EPHA6: variants seen among roughly 807,000 people sequenced by gnomAD.
EPHA6 encodes the protein EPH receptor A6, also known as ephrin type-A receptor 6.
In EPHA6, 50 loss-of-function variants were observed where a neutral mutation model predicts 112.0. That is an observed-to-expected ratio of 0.45 (90% CI 0.36 to 0.56). The LOEUF (loss-of-function observed/expected upper bound fraction) is 0.56. EPHA6 is among the 20% of genes least tolerant of loss of function. The pLI is 0.00. For missense variants in EPHA6, 1,280 were observed against 1,417.4 expected (o/e 0.90, Z 1.56); for synonymous variants, 529 against 490.7 (o/e 1.08, Z -1.03).
At chr3:96,932,195 TC>T (rs1490434157) in intron 2 of EPHA6, among the ~76,000 whole-genome samples, 1 of 152,172 alleles carries the variant, frequency 6.6e-6, no homozygotes, top group African/African-American at 2.4e-5. Context: ...GCCTAATCAG[TC>T]CCAATGTGAG....
At chr3:96,882,768 G>GTGTGTATGTATA in intron 2 of EPHA6, among the ~76,000 whole-genome samples, 1 of 148,900 alleles carries the variant, frequency 6.7e-6, no homozygotes, top group African/African-American at 2.5e-5. Flanking sequence ...GTGTGTGTGT[G>GTGTGTATGTATA]TATAGTCAAT....
Position 97,521,673 on chromosome 3 carries a change from G to C in EPHA6, c.2201-10685G>C, listed in dbSNP as rs543844228. Among the ~76,000 whole-genome samples, 8 of 152,244 alleles carry C rather than the reference G, an allele frequency of 5.3e-5. No individual in the cohort carries two copies. The South Asian group carries it at 1.5e-3, about 28-fold the overall frequency. On this transcript the variant is annotated intron_variant, in intron 10 of 17. Coordinates refer to ENST00000389672, the MANE Select transcript of EPHA6 (RefSeq NM_001080448.3). ...GGGGATTATGGGAACTACAATTCAA[G>C]ATGAGATTTGGATGGGGACATAGCA...
intron 15 of EPHA6, among the ~76,000 whole-genome samples, chr3:97,725,069 A>G (rs952029312): frequency 6.6e-6 from 1 of 152,142 alleles, no homozygotes; most frequent in African/African-American, 2.4e-5. Context: ...AAATTTTTTC[A>G]TCATGAAACT....
intron 5 of EPHA6, among the ~76,000 whole-genome samples, chr3:97,281,992 G>C (rs2080302523): frequency 6.6e-6 from 1 of 152,174 alleles, no homozygotes. Flanking sequence ...GTATGTGGCT[G>C]ATTAAGATTT....
At chr3:97,076,537 T>C (rs2046532653) in intron 3 of EPHA6, among the ~76,000 whole-genome samples, 2 of 152,220 alleles carry the variant, frequency 1.3e-5, no homozygotes, top group African/African-American at 4.8e-5. Flanking sequence ...CAGCAAGTGC[T>C]GATGTAAAAA....
At chr3:97,548,394 A>G (rs375899960) in intron 11 of EPHA6, among the ~76,000 whole-genome samples, 7 of 152,232 alleles carry the variant, frequency 4.6e-5, no homozygotes, top group Admixed American at 3.9e-4. Flanking sequence ...TTACTACACT[A>G]TAAAGTTATT....
intron 3 of EPHA6, among the ~76,000 whole-genome samples, chr3:97,115,107 T>C (rs1412157008): frequency 1.3e-5 from 2 of 152,000 alleles, no homozygotes; most frequent in Non-Finnish European, 2.9e-5. Context: ...GTAAGTCAGC[T>C]ATCAAAAGGC....
chr3:97,079,489 C>T (rs2046647718), intron 3 of EPHA6, among the ~76,000 whole-genome samples: 1 of 151,534 alleles, frequency 6.6e-6, no homozygotes, highest in African/African-American at 2.4e-5. Flanking sequence ...GGAAAAACAA[C>T]TAATCAGTAC....
intron 10 of EPHA6, among the ~76,000 whole-genome samples, chr3:97,514,786 A>G (rs1335789422): frequency 3.3e-5 from 5 of 152,050 alleles, no homozygotes; most frequent in African/African-American, 1.2e-4. Context: ...ACACTCATGC[A>G]CCTAGGAAAG....
chr3:97,247,967 G>T (rs1455404937), intron 5 of EPHA6, among the ~76,000 whole-genome samples: 1 of 151,770 alleles, frequency 6.6e-6, no homozygotes, highest in African/African-American at 2.4e-5. Flanking sequence ...ATTGGCATTG[G>T]TTTGCTTTTT....
intron 5 of EPHA6, among the ~76,000 whole-genome samples, chr3:97,391,298 A>T (rs1343963971): frequency 2.0e-5 from 3 of 151,982 alleles, no homozygotes; most frequent in Non-Finnish European, 4.4e-5. Flanking sequence ...AACATTTTGA[A>T]TATAAAAGAT....
chr3:97,158,345 A>G (rs1255040686), intron 3 of EPHA6, among the ~76,000 whole-genome samples: 1 of 152,128 alleles, frequency 6.6e-6, no homozygotes. Context: ...TTTCTCTGTA[A>G]CTGGCCACGT....
At chr3:96,954,150 G>A (rs1297053716) in intron 2 of EPHA6, among the ~76,000 whole-genome samples, 2 of 151,942 alleles carry the variant, frequency 1.3e-5, no homozygotes, top group Admixed American at 1.3e-4. Flanking sequence ...CTGGGATTAC[G>A]GGTGTGAGCC....
In EPHA6 at chr3:97,053,981, A is replaced by G. The variant is rs201037257; in HGVS notation, c.1114+65988A>G. On this transcript the variant is annotated intron_variant, in intron 3 of 17. Coordinates refer to ENST00000389672, the MANE Select transcript of EPHA6 (RefSeq NM_001080448.3). Reference sequence around the variant, plus strand: ...AGATGGCATTGGGTGGGTCTGTAACATCAGAACCAGGGTTCTTTCTGTTAT... The same window carrying G: ...AGATGGCATTGGGTGGGTCTGTAACGTCAGAACCAGGGTTCTTTCTGTTAT... Among the ~76,000 whole-genome samples, 50 of 152,174 alleles carry G rather than the reference A, an allele frequency of 3.3e-4. No individual in the cohort carries two copies. The East Asian group carries it at 3.5e-3, about 11-fold the overall frequency.
intron 11 of EPHA6, among the ~76,000 whole-genome samples, chr3:97,537,789 G>C (rs761394336): frequency 2.3e-4 from 35 of 152,078 alleles, no homozygotes; most frequent in Non-Finnish European, 4.7e-4. Context: ...ATGTTGGCCA[G>C]GCTGGTCTCG....
chr3:97,525,156 A>T (rs1345319072), intron 10 of EPHA6, among the ~76,000 whole-genome samples: 2 of 151,984 alleles, frequency 1.3e-5, no homozygotes, highest in Admixed American at 1.3e-4. Flanking sequence ...GGTGTCCCAT[A>T]TATCCCTACA....
At chr3:97,330,366 T>C (rs1300578509) in intron 5 of EPHA6, among the ~76,000 whole-genome samples, 3 of 152,104 alleles carry the variant, frequency 2.0e-5, no homozygotes, top group Admixed American at 2.0e-4. Context: ...AAGTCATTGG[T>C]AGTTTGATGG....
chr3:97,278,339 T>G (rs1032501316), intron 5 of EPHA6, among the ~76,000 whole-genome samples: 4 of 152,216 alleles, frequency 2.6e-5, no homozygotes, highest in Non-Finnish European at 4.4e-5. Flanking sequence ...TAAAGATGTT[T>G]CCCAAATGCT....
chr3:97,153,964 G>A (rs78473465), intron 3 of EPHA6, among the ~76,000 whole-genome samples: 4 of 151,986 alleles, frequency 2.6e-5, no homozygotes, highest in Non-Finnish European at 4.4e-5. Flanking sequence ...TCAGGAGTTC[G>A]AAACCAGCCT....
Sources: gnomAD v4.1 joint callset for allele counts (sites outside exome capture counted in the v4.1 genomes callset) on GRCh38, gnomAD v4.1.1 for gene constraint, MANE v1.5 for transcripts, NCBI Gene and HGNC (gene_info 2026-07-23, HGNC 2026-07-21) for gene names.